The following SCN8A variants were observed in gnomAD, a reference collection of about 807,000 sequenced individuals.
SCN8A encodes sodium voltage-gated channel alpha subunit 8.
SCN8A carries 30 observed loss-of-function variants against 184.1 expected under a neutral mutation model. The observed-to-expected ratio is 0.16, with a 90% confidence interval of 0.12 to 0.22. The LOEUF (loss-of-function observed/expected upper bound fraction) is 0.22. SCN8A is among the 10% of genes least tolerant of loss of function. The probability of loss-of-function intolerance (pLI) is 1.00; values close to 1 mark genes in which losing one functional copy is unlikely to be tolerated. For synonymous variants in SCN8A, 852 were observed against 907.0 expected (o/e 0.94, Z 1.09); for missense variants, 1,057 against 2,498.9 (o/e 0.42, Z 12.30).
chr12:51,627,955 A>T (rs1940116195), intron 1 of SCN8A, among the ~76,000 whole-genome samples: 1 of 152,182 alleles, frequency 6.6e-6, no homozygotes, highest in African/African-American at 2.4e-5. Flanking sequence ...GAATGTGTAG[A>T]ACATCCAAAT....
At chr12:51,684,883 C>T (rs1385603691) in intron 3 of SCN8A, among the ~76,000 whole-genome samples, 1 of 152,192 alleles carries the variant, frequency 6.6e-6, no homozygotes, top group African/African-American at 2.4e-5. Flanking sequence ...GCCTGAGTTA[C>T]ACCTTATTAA....
At chr12:51,624,829 A>T (rs574781773) in intron 1 of SCN8A, among the ~76,000 whole-genome samples, 1 of 152,256 alleles carries the variant, frequency 6.6e-6, no homozygotes, top group African/African-American at 2.4e-5. Flanking sequence ...CTTTCTACAT[A>T]TGGCTAGCCA....
intron 12 of SCN8A, chr12:51,722,841 A>C (rs917104185): frequency 6.6e-6 from 1 of 152,228 alleles, no homozygotes; most frequent in Admixed American, 6.5e-5. Flanking sequence ...CTCTTTGGGA[A>C]GAGCCATCTC....
chr12:51,702,733 A>G, intron 8 of SCN8A, 40 bp from the exon 9 acceptor site: 1 of 1,489,268 alleles, frequency 6.7e-7, no homozygotes, highest in Non-Finnish European at 9.0e-7. Flanking sequence ...GCTGGGTGGA[A>G]TTATGTTGAA....
chr12:51,635,851 G>A (rs1019540758), intron 1 of SCN8A, among the ~76,000 whole-genome samples: 2 of 152,096 alleles, frequency 1.3e-5, no homozygotes, highest in Non-Finnish European at 2.9e-5. Flanking sequence ...TGTTTTATCA[G>A]TATTCATTTT....
intron 9 of SCN8A, among the ~76,000 whole-genome samples, chr12:51,703,423 C>T (rs532130390): frequency 5.9e-5 from 9 of 152,214 alleles, no homozygotes; most frequent in African/African-American, 1.9e-4. Context: ...GAATTACAGG[C>T]GTGAGCCACC....
intron 1 of SCN8A, among the ~76,000 whole-genome samples, chr12:51,649,858 C>G (rs1940671213): frequency 6.6e-6 from 1 of 152,212 alleles, no homozygotes; most frequent in South Asian, 2.1e-4. Flanking sequence ...CTGCAGCCAG[C>G]TTGTATTTCT....
intron 12 of SCN8A, among the ~76,000 whole-genome samples, chr12:51,744,823 A>G (rs747856871): frequency 5.3e-5 from 8 of 152,096 alleles, no homozygotes; most frequent in Non-Finnish European, 7.4e-5. Flanking sequence ...GGGCTTTTTG[A>G]TGTAGCTCTC....
chr12:51,702,405 A>G (rs1280905776), intron 8 of SCN8A, among the ~76,000 whole-genome samples: 1 of 152,056 alleles, frequency 6.6e-6, no homozygotes, highest in African/African-American at 2.4e-5. Flanking sequence ...TGAATTGCAC[A>G]TTGATATGAA....
intron 14 of SCN8A, among the ~76,000 whole-genome samples, chr12:51,760,540 C>G (rs1383378900): frequency 5.9e-5 from 9 of 152,160 alleles, no homozygotes; most frequent in Non-Finnish European, 1.3e-4. Context: ...GTGTGTTTAC[C>G]AGGAACCAGT....
chr12:51,768,289 A>G (rs1296612206), intron 16 of SCN8A: 1 of 152,270 alleles, frequency 6.6e-6, no homozygotes, highest in Non-Finnish European at 1.5e-5. Flanking sequence ...CTATGCAAAA[A>G]AATATAAAAG....
intron 12 of SCN8A, among the ~76,000 whole-genome samples, chr12:51,740,597 T>G (rs1461648268): frequency 1.3e-5 from 2 of 152,248 alleles, no homozygotes; most frequent in Admixed American, 6.5e-5. Flanking sequence ...ATAATCCATG[T>G]GCTAAGGGCA....
intron 13 of SCN8A, 123 bp from the exon 14 acceptor site, chr12:51,751,232 G>T: frequency 2.9e-6 from 2 of 690,630 alleles, no homozygotes; most frequent in Middle Eastern, 4.1e-4. Flanking sequence ...ACTTAGGAAT[G>T]TCAGCGCTCA....
At chr12:51,636,079 C>G (rs1304764658) in intron 1 of SCN8A, among the ~76,000 whole-genome samples, 1 of 152,208 alleles carries the variant, frequency 6.6e-6, no homozygotes, top group Non-Finnish European at 1.5e-5. Context: ...ATTGCAAGCT[C>G]TGCCTCCTAG....
chr12:51,600,691 C>T (rs920024165), intron 1 of SCN8A, among the ~76,000 whole-genome samples: 8 of 151,772 alleles, frequency 5.3e-5, no homozygotes, highest in East Asian at 3.9e-4. Flanking sequence ...TGCCCTTTCT[C>T]GTCAGAAATG....
At chr12:51,780,843 A>G (rs912251974) in intron 21 of SCN8A, 72 bp downstream of exon 21, 109 of 1,395,712 alleles carry the variant, frequency 7.8e-5, no homozygotes, top group Non-Finnish European at 9.7e-5. Flanking sequence ...AACTGATCAC[A>G]TGGTGGAAAG....
intron 1 of SCN8A, among the ~76,000 whole-genome samples, chr12:51,640,682 A>G (rs920892985): frequency 2.0e-5 from 3 of 152,174 alleles, no homozygotes; most frequent in South Asian, 2.1e-4. Context: ...ACTTTATTCA[A>G]CAAGCAGTGG....
Position 51,751,606 on chromosome 12 carries a change from ACT to A in SCN8A, c.2370+14_2370+15del, listed in dbSNP as rs768088808. 2.9e-4 allele frequency: 448 copies of A among 1,564,664 alleles called. No individual in the cohort carries two copies. The highest frequency in any genetic ancestry group is 3.6e-4 in the Non-Finnish European group (414 of 1,135,470). On this transcript the variant is annotated intron_variant, in intron 14 of 26. Transcript: ENST00000627620. Reference sequence around the variant, plus strand: ...TGTAGGAAATCTGGTAAGATGGAACACTGTCTCCCGATATTAGGATTGGAATG... The same window carrying A: ...TGTAGGAAATCTGGTAAGATGGAACAGTCTCCCGATATTAGGATTGGAATG...
intron 20 of SCN8A, among the ~76,000 whole-genome samples, chr12:51,775,676 C>G (rs931066344): frequency 2.0e-5 from 3 of 152,200 alleles, no homozygotes; most frequent in African/African-American, 4.8e-5. Flanking sequence ...TGAGATAAGA[C>G]CCAGAGAGCC....
Sources: allele counts gnomAD v4.1 joint callset (sites outside exome capture counted in the v4.1 genomes callset), GRCh38; gene constraint gnomAD v4.1.1; transcripts MANE v1.5; gene names NCBI Gene and HGNC (gene_info 2026-07-23, HGNC 2026-07-21).